Variants in CCDC6 observed in about 807,000 individuals in gnomAD.
CCDC6 encodes the protein coiled-coil domain-containing protein 6.
In CCDC6, 20 loss-of-function variants were observed where a neutral mutation model predicts 56.6. The ratio of observed to expected loss-of-function variants is 0.35; its 90% CI spans 0.25 to 0.51. The LOEUF is 0.51. CCDC6 is among the 20% of genes least tolerant of loss of function. The pLI, the probability that CCDC6 is intolerant of heterozygous loss-of-function variation, is 0.95. For synonymous variants in CCDC6, 241 were observed against 234.4 expected (o/e 1.03, Z -0.26); for missense variants, 367 against 601.1 (o/e 0.61, Z 4.07).
chr10:59,844,478 C>G (rs1273167393), intron 2 of CCDC6, among the ~76,000 whole-genome samples: 1 of 149,996 alleles, frequency 6.7e-6, no homozygotes, highest in Non-Finnish European at 1.5e-5. Context: ...TTGCAGGGCA[C>G]GGTGGCTCAT....
At chr10:59,817,737 A>G (rs891435991) in intron 3 of CCDC6, among the ~76,000 whole-genome samples, 2 of 152,230 alleles carry the variant, frequency 1.3e-5, no homozygotes, top group African/African-American at 4.8e-5. Context: ...GTAACTAATG[A>G]GGCATGTGAC....
At chr10:59,817,535 A>G (rs932246681) in intron 3 of CCDC6, among the ~76,000 whole-genome samples, 10 of 152,126 alleles carry the variant, frequency 6.6e-5, no homozygotes, top group Non-Finnish European at 1.3e-4. Flanking sequence ...TAAGGATCCC[A>G]ATTCCAGTGT....
intron 1 of CCDC6, among the ~76,000 whole-genome samples, chr10:59,898,607 C>T (rs1237513690): frequency 1.3e-5 from 2 of 152,216 alleles, no homozygotes; most frequent in African/African-American, 4.8e-5. Context: ...GCTCTGTATT[C>T]CCTACAGCAC....
chr10:59,797,820 A>G (rs2070536935), intron 7 of CCDC6, among the ~76,000 whole-genome samples: 2 of 152,090 alleles, frequency 1.3e-5, no homozygotes, highest in African/African-American at 4.8e-5. Flanking sequence ...GTATTTAAGG[A>G]AGAAACAATC....
At chr10:59,838,332 C>A (rs1358507743) in intron 2 of CCDC6, among the ~76,000 whole-genome samples, 1 of 152,196 alleles carries the variant, frequency 6.6e-6, no homozygotes, top group African/African-American at 2.4e-5. Context: ...AAACCTCCTA[C>A]TGGATCTCCC....
chr10:59,805,536 G>T (rs2070613972), intron 6 of CCDC6: 1 of 152,142 alleles, frequency 6.6e-6, no homozygotes, highest in African/African-American at 2.4e-5. Flanking sequence ...TATTTCCTTA[G>T]AGTGTATCTT....
chr10:59,881,384 G>A (rs1175775258), intron 1 of CCDC6, among the ~76,000 whole-genome samples: 1 of 152,032 alleles, frequency 6.6e-6, no homozygotes, highest in Non-Finnish European at 1.5e-5. Context: ...AGAAACTGTT[G>A]GGGCTTCACA....
At chr10:59,801,603 G>T (rs1028967830) in intron 7 of CCDC6, among the ~76,000 whole-genome samples, 1 of 152,132 alleles carries the variant, frequency 6.6e-6, no homozygotes, top group African/African-American at 2.4e-5. Flanking sequence ...TTAAGGAGTA[G>T]AGTTATTTCC....
intron 3 of CCDC6, among the ~76,000 whole-genome samples, chr10:59,819,336 G>A (rs981057379): frequency 6.6e-6 from 1 of 152,064 alleles, no homozygotes; most frequent in African/African-American, 2.4e-5. Context: ...AAAAGAGCAG[G>A]GCCTCTTGTT....
intron 1 of CCDC6, among the ~76,000 whole-genome samples, chr10:59,854,051 C>A (rs1205128064): frequency 6.6e-6 from 1 of 152,148 alleles, no homozygotes; most frequent in African/African-American, 2.4e-5. Flanking sequence ...TTTGTTTTAT[C>A]TGTCAAATCA....
At chr10:59,844,251 C>T (rs2070968749) in intron 2 of CCDC6, among the ~76,000 whole-genome samples, 1 of 152,054 alleles carries the variant, frequency 6.6e-6, no homozygotes, top group Non-Finnish European at 1.5e-5. Flanking sequence ...GTTAGCAACA[C>T]TGAGGACCAG....
At chr10:59,815,595 G>A (rs2070704728) in intron 3 of CCDC6, among the ~76,000 whole-genome samples, 1 of 152,120 alleles carries the variant, frequency 6.6e-6, no homozygotes, top group Non-Finnish European at 1.5e-5. Flanking sequence ...AAAGAGGGCT[G>A]GTAAGAGAGA....
At chr10:59,852,384 A>G (rs1428955026) in intron 2 of CCDC6, among the ~76,000 whole-genome samples, 169 bp downstream of exon 2, 2 of 152,226 alleles carry the variant, frequency 1.3e-5, no homozygotes, top group African/African-American at 4.8e-5. Flanking sequence ...AGAAAACCAC[A>G]GTCTTGACTA....
chr10:59,828,607 G>A (rs971285561), intron 3 of CCDC6, among the ~76,000 whole-genome samples: 1 of 152,110 alleles, frequency 6.6e-6, no homozygotes, highest in African/African-American at 2.4e-5. Context: ...AGGGGACCAC[G>A]TTTGCCACTC....
At chr10:59,903,841 C>T (rs1466847973) in intron 1 of CCDC6, among the ~76,000 whole-genome samples, 1 of 152,204 alleles carries the variant, frequency 6.6e-6, no homozygotes, top group Non-Finnish European at 1.5e-5. Flanking sequence ...TCTACATTCA[C>T]AGGCCCATTT....
At chr10:59,839,135 A>G (rs183492024) in intron 2 of CCDC6, among the ~76,000 whole-genome samples, 2 of 152,360 alleles carry the variant, frequency 1.3e-5, no homozygotes, top group African/African-American at 4.8e-5. Flanking sequence ...GCATTTTGCA[A>G]AGAGTGAAAT....
intron 5 of CCDC6, among the ~76,000 whole-genome samples, chr10:59,808,715 T>G (rs1458698833): frequency 1.3e-5 from 2 of 152,198 alleles, no homozygotes; most frequent in Admixed American, 1.3e-4. Context: ...ACAATGAGCA[T>G]TTTTCTCCCA....
chr10:59,891,326 GAGGGAAAAATTC>G (rs1453779036), intron 1 of CCDC6, among the ~76,000 whole-genome samples: 3 of 152,154 alleles, frequency 2.0e-5, no homozygotes, highest in Non-Finnish European at 4.4e-5. Flanking sequence ...AAATTGAAAG[GAGGGAAAAATTC>G]ACACAGCCTA....
intron 1 of CCDC6, among the ~76,000 whole-genome samples, chr10:59,882,026 C>CGAGAAGGAAAGGAAAGCCGG (rs2071341556): frequency 3.9e-5 from 2 of 51,480 alleles, no homozygotes; most frequent in Non-Finnish European, 8.2e-5. Context: ...AGGAAAGCCG[C>CGAGAAGGAAAGGAAAGCCGG]GGGGAGAAGG....
Sources: gnomAD v4.1 joint callset for allele counts (sites outside exome capture counted in the v4.1 genomes callset) on GRCh38, gnomAD v4.1.1 for gene constraint, MANE v1.5 for transcripts, NCBI Gene and HGNC (gene_info 2026-07-23, HGNC 2026-07-21) for gene names.